Variants in C12orf60 observed in about 807,000 individuals in gnomAD.
C12orf60 encodes chromosome 12 open reading frame 60, also known as uncharacterized protein C12orf60.
For missense variants in C12orf60, 284 were observed against 283.2 expected, an observed-to-expected ratio of 1.00 and a Z score of -0.02; for synonymous variants, 102 against 94.6, an observed-to-expected ratio of 1.08 and a Z score of -0.45.
chr12:14,806,068 C>T, intron 1 of C12orf60: 1 of 1,614,118 alleles, frequency 6.2e-7, no homozygotes, highest in African/African-American at 1.3e-5. Flanking sequence ...TTTTCTGAGG[C>T]TGATTTGAAC....
chr12:14,809,135 A>T (rs1950098880), intron 1 of C12orf60, among the ~76,000 whole-genome samples: 1 of 152,186 alleles, frequency 6.6e-6, no homozygotes, highest in Non-Finnish European at 1.5e-5. Context: ...AAAAGTTCAA[A>T]ATATCTCTAG....
chr12:14,819,894 A>C (rs1052249404), intron 1 of C12orf60, among the ~76,000 whole-genome samples: 2 of 152,026 alleles, frequency 1.3e-5, no homozygotes, highest in African/African-American at 4.8e-5. Flanking sequence ...TTATAAAATG[A>C]GTTGAGAGGT....
rs1329556129 is a variant in C12orf60, at chr12:14,823,411, A to C, written c.476A>C (p.Glu159Ala). The change falls in exon 2 of 2, where the codon GAA becomes GCA. Residue 159 changes from glutamate to alanine, a missense_variant. By Grantham distance (107) the Glu-to-Ala change is moderately radical. Transcript: ENST00000330828. ...MNLQLSDFYT[E>A]DTKEQSDVTT... ...CTTCAATTAAGTGACTTCTATACAG[A>C]AGACACCAAAGAGCAATCAGATGTC... 1 of 1,614,078 alleles carries C rather than the reference A, an allele frequency of 6.2e-7. No homozygotes were observed. The highest frequency in any genetic ancestry group is 2.2e-5 in the East Asian group (1 of 44,864).
intron 1 of C12orf60, chr12:14,805,845 A>G (rs1200336747): frequency 2.7e-6 from 2 of 748,680 alleles, no homozygotes; most frequent in Non-Finnish European, 4.2e-6. Context: ...AAACTCATCT[A>G]GTCATCTAGT....
At chr12:14,815,262 G>T (rs1463418578) in intron 1 of C12orf60, among the ~76,000 whole-genome samples, 1 of 152,166 alleles carries the variant, frequency 6.6e-6, no homozygotes, top group Non-Finnish European at 1.5e-5. Context: ...GGATCATCTT[G>T]CCCTTGATGT....
intron 1 of C12orf60, chr12:14,805,974 A>G: frequency 6.4e-7 from 1 of 1,561,788 alleles, no homozygotes; most frequent in East Asian, 2.2e-5. Flanking sequence ...GAAGCAGAAA[A>G]ACACTTCAGT....
At chr12:14,806,788 T>C in intron 1 of C12orf60, 1 of 1,162,214 alleles carries the variant, frequency 8.6e-7, no homozygotes, top group South Asian at 1.5e-5. Context: ...TCTTCATGCA[T>C]AGCAAAGAAG....
chr12:14,808,804 A>G (rs979037229), intron 1 of C12orf60, among the ~76,000 whole-genome samples: 2 of 152,220 alleles, frequency 1.3e-5, no homozygotes, highest in Admixed American at 1.3e-4. Flanking sequence ...ACAGGCATGC[A>G]CACATGTAAC....
intron 1 of C12orf60, among the ~76,000 whole-genome samples, chr12:14,815,401 C>T (rs1187325390): frequency 6.6e-6 from 1 of 152,104 alleles, no homozygotes; most frequent in Admixed American, 6.5e-5. Context: ...AGAGGGAACA[C>T]TGAGAGCAAA....
In C12orf60 at chr12:14,823,686, A is replaced by G. The variant is rs771673874; in HGVS notation, c.*13A>G. The G allele has an allele frequency of 2.0e-6, 3 of 1,529,238 alleles. No individual in the cohort carries two copies. Among genetic ancestry groups the G allele is most frequent in the South Asian group, 2.6e-5 (2 of 75,672 alleles). 94.7% of individuals were successfully genotyped at this position (1,529,238 alleles called of 1,614,324 possible). ...CAGTGACAAGTAGGGATGCAACAGA[A>G]ATGTTCATTTCTGTCAGAAAACTAC... On this transcript the variant is annotated 3_prime_UTR_variant, in exon 2 of 2. Coordinates refer to ENST00000330828, the MANE Select transcript of C12orf60 (RefSeq NM_175874.4).
At position 14,823,085 on chromosome 12, in the gene C12orf60, G is replaced by A. The variant is rs776452850; in HGVS notation, c.150G>A (p.Val50=). 2 of 1,614,002 alleles carry A rather than the reference G, an allele frequency of 1.2e-6. No homozygotes were observed. The highest frequency in any genetic ancestry group is 2.7e-5 in the African/African-American group (2 of 74,926). ...SMNTQILLMA[V]KNNSYIKDFF... ...ATACTCAAATCCTTTTGATGGCTGT[G>A]AAAAACAATAGTTACATTAAGGATT... Residue 50 remains valine (V), a synonymous_variant, in exon 2 of 2, where the codon GTG becomes GTA. Coordinates refer to ENST00000330828, the MANE Select transcript of C12orf60 (RefSeq NM_175874.4).
chr12:14,806,120 C>T (rs938582808), intron 1 of C12orf60: 11 of 1,614,000 alleles, frequency 6.8e-6, no homozygotes, highest in African/African-American at 6.7e-5. Flanking sequence ...CTGCTTGAAG[C>T]TGTGTTTTTT....
intron 1 of C12orf60, among the ~76,000 whole-genome samples, chr12:14,808,130 A>G (rs1592230825): frequency 6.6e-6 from 1 of 152,052 alleles, no homozygotes; most frequent in African/African-American, 2.4e-5. Flanking sequence ...GTGCCACTGC[A>G]CTCCAGCCTG....
At chr12:14,809,528 T>C (rs991112515) in intron 1 of C12orf60, among the ~76,000 whole-genome samples, 1 of 152,312 alleles carries the variant, frequency 6.6e-6, no homozygotes, top group Non-Finnish European at 1.5e-5. Context: ...AATTGTAGAA[T>C]CTCAAATCAA....
chr12:14,817,052 A>C (rs2137277912), intron 1 of C12orf60, among the ~76,000 whole-genome samples: 1 of 152,256 alleles, frequency 6.6e-6, no homozygotes, highest in Non-Finnish European at 1.5e-5. Flanking sequence ...AAATCTAAGA[A>C]TATATGAGCC....
At chr12:14,818,015 T>C (rs1950249864) in intron 1 of C12orf60, among the ~76,000 whole-genome samples, 1 of 152,196 alleles carries the variant, frequency 6.6e-6, no homozygotes. Flanking sequence ...TTTTTAATAA[T>C]CTCCATTCTG....
intron 1 of C12orf60, among the ~76,000 whole-genome samples, chr12:14,812,171 G>T (rs187111101): frequency 1.3e-5 from 2 of 152,346 alleles, no homozygotes; most frequent in South Asian, 2.1e-4. Context: ...TTGGCCGGGC[G>T]TGGTGGCTCA....
chr12:14,813,193 GA>G (rs771222490), intron 1 of C12orf60, among the ~76,000 whole-genome samples: 29 of 152,148 alleles, frequency 1.9e-4, no homozygotes, highest in Admixed American at 3.3e-4. Flanking sequence ...GAAAGAAAAA[GA>G]AAAACGTGAC....
intron 1 of C12orf60, among the ~76,000 whole-genome samples, chr12:14,819,393 T>C (rs563817457): frequency 3.3e-5 from 5 of 152,296 alleles, no homozygotes; most frequent in Non-Finnish European, 7.4e-5. Context: ...TTGCATCTGC[T>C]AAAATTACTA....
Sources: gnomAD v4.1 joint callset for allele counts (sites outside exome capture counted in the v4.1 genomes callset) on GRCh38, gnomAD v4.1.1 for gene constraint, MANE v1.5 for transcripts, NCBI Gene and HGNC (gene_info 2026-07-23, HGNC 2026-07-21) for gene names.